The following MAP3K13 variants were observed in gnomAD, a reference collection of about 807,000 sequenced individuals.
MAP3K13 encodes leucine zipper-bearing kinase.
Under a neutral mutation model 104.0 loss-of-function variants are expected in MAP3K13, and 52 were observed. The ratio of observed to expected loss-of-function variants is 0.50; its 90% CI spans 0.40 to 0.63. The LOEUF is 0.63. MAP3K13 is among the 20% of genes least tolerant of loss of function. The probability of loss-of-function intolerance (pLI) is 0.00; values close to 1 mark genes in which losing one functional copy is unlikely to be tolerated. For synonymous variants in MAP3K13, 394 were observed against 442.2 expected (o/e 0.89, Z 1.37); for missense variants, 914 against 1,218.5 (o/e 0.75, Z 3.72).
chr3:185,297,004 A>G, intron 2 of MAP3K13, among the ~76,000 whole-genome samples: 1 of 152,220 alleles, frequency 6.6e-6, no homozygotes, highest in East Asian at 1.9e-4. Context: ...TTGACTTATT[A>G]GAGAGTTAGG....
upstream of MAP3K13, among the ~76,000 whole-genome samples, chr3:185,359,751 C>T (rs181847668): frequency 1.7e-4 from 26 of 152,224 alleles, no homozygotes; most frequent in Admixed American, 6.5e-4. Flanking sequence ...GATCTCTTTA[C>T]CAGCTTTTAA....
chr3:185,449,394 AG>A (rs1430180500), intron 5 of MAP3K13, among the ~76,000 whole-genome samples: 5 of 149,954 alleles, frequency 3.3e-5, no homozygotes, highest in Admixed American at 1.3e-4. Context: ...AAAAAAAAAA[AG>A]TTTTTAACAC....
At chr3:185,406,967 G>A (rs1166158497) in intron 1 of MAP3K13, among the ~76,000 whole-genome samples, 1 of 152,098 alleles carries the variant, frequency 6.6e-6, no homozygotes, top group Non-Finnish European at 1.5e-5. Flanking sequence ...CAGAAGAGAT[G>A]TGGGGTATAT....
upstream of MAP3K13, among the ~76,000 whole-genome samples, chr3:185,359,020 T>A (rs1314872578): frequency 6.6e-6 from 1 of 152,180 alleles, no homozygotes; most frequent in African/African-American, 2.4e-5. Flanking sequence ...TTTTTAGAAT[T>A]TCCTGAAAAG....
At chr3:185,469,249 T>C (rs1162627308) in intron 10 of MAP3K13, among the ~76,000 whole-genome samples, 1 of 152,162 alleles carries the variant, frequency 6.6e-6, no homozygotes, top group African/African-American at 2.4e-5. Context: ...AGTTCAGTCA[T>C]GGACATTTCC....
At chr3:185,350,970 C>G (rs1198893332) in intron 2 of MAP3K13, among the ~76,000 whole-genome samples, 1 of 152,164 alleles carries the variant, frequency 6.6e-6, no homozygotes, top group Admixed American at 6.5e-5. Flanking sequence ...ATCAACCTAT[C>G]AACCGTAGAC....
At chr3:185,361,613 C>G (rs1457197554), upstream of MAP3K13, among the ~76,000 whole-genome samples, 1 of 152,126 alleles carries the variant, frequency 6.6e-6, no homozygotes, top group African/African-American at 2.4e-5. Flanking sequence ...ACCATGTTAG[C>G]CAGGATGGTC....
intron 2 of MAP3K13, among the ~76,000 whole-genome samples, chr3:185,356,690 G>A (rs947814124): frequency 5.3e-5 from 8 of 152,220 alleles, no homozygotes; most frequent in Non-Finnish European, 1.2e-4. Flanking sequence ...CTTGGAGGAT[G>A]TGTCTATCCT....
intron 2 of MAP3K13, chr3:185,292,223 T>G (rs1479767762): frequency 6.4e-6 from 1 of 155,496 alleles, no homozygotes; most frequent in African/African-American, 2.4e-5. Context: ...GAGAATCACT[T>G]GAAACCAGGA....
At chr3:185,329,331 C>A in intron 2 of MAP3K13, 1 of 690,350 alleles carries the variant, frequency 1.4e-6, no homozygotes, top group South Asian at 1.5e-5. Flanking sequence ...TGCTTTTCCT[C>A]TGGTTTAGAT....
intron 1 of MAP3K13, among the ~76,000 whole-genome samples, chr3:185,388,006 A>C (rs571067469): frequency 6.6e-6 from 1 of 152,282 alleles, no homozygotes; most frequent in East Asian, 1.9e-4. Flanking sequence ...ACAAGAACTT[A>C]GGTGGTTAAA....
chr3:185,412,609 G>C (rs758657532), intron 1 of MAP3K13, among the ~76,000 whole-genome samples: 1 of 152,108 alleles, frequency 6.6e-6, no homozygotes, highest in Non-Finnish European at 1.5e-5. Context: ...ACATTTTCTA[G>C]AGTATCATCT....
intron 4 of MAP3K13, among the ~76,000 whole-genome samples, chr3:185,444,485 AGT>A (rs1560109745): frequency 6.6e-6 from 1 of 152,200 alleles, no homozygotes; most frequent in Admixed American, 6.5e-5. Flanking sequence ...TTGAGCTTCT[AGT>A]GTCTAAGCAA....
chr3:185,472,205 C>CTTTTT (rs568380003), intron 10 of MAP3K13, among the ~76,000 whole-genome samples: 22 of 118,624 alleles, frequency 1.9e-4, no homozygotes, highest in Admixed American at 2.6e-4. Context: ...ATCCCTTCTT[C>CTTTTT]TTTTTTTTTT....
chr3:185,436,895 G>A (rs1386911033), intron 2 of MAP3K13, among the ~76,000 whole-genome samples: 1 of 149,992 alleles, frequency 6.7e-6, no homozygotes, highest in Non-Finnish European at 1.5e-5. Flanking sequence ...CAGCTACTTG[G>A]GAGGCTGAGG....
At chr3:185,326,366 G>A (rs6792317) in intron 2 of MAP3K13, among the ~76,000 whole-genome samples, 118,395 of 151,934 alleles carry the variant, frequency 0.78, 46,648 homozygotes, top group Non-Finnish European at 0.84. Flanking sequence ...AGCAGAATCT[G>A]GAGTGGCTCC....
At chr3:185,305,322 CATCTT>C (rs1721254200) in intron 2 of MAP3K13, among the ~76,000 whole-genome samples, 1 of 152,106 alleles carries the variant, frequency 6.6e-6, no homozygotes, top group African/African-American at 2.4e-5. Context: ...TTACATAAAA[CATCTT>C]ATAATTGTAA....
chr3:185,302,983 G>A (rs528817565), intron 2 of MAP3K13, among the ~76,000 whole-genome samples: 1 of 152,162 alleles, frequency 6.6e-6, no homozygotes, highest in South Asian at 2.1e-4. Context: ...TTCATAAATG[G>A]CCTTTATTGT....
intron 10 of MAP3K13, 143 bp from the exon 11 acceptor site, chr3:185,472,832 G>C: frequency 2.6e-6 from 2 of 758,618 alleles, no homozygotes; most frequent in Non-Finnish European, 4.3e-6. Context: ...ACATTTTGAA[G>C]ACCCCTCATA....
Sources: gnomAD v4.1 joint callset for allele counts (sites outside exome capture counted in the v4.1 genomes callset) on GRCh38, gnomAD v4.1.1 for gene constraint, MANE v1.5 for transcripts, NCBI Gene and HGNC (gene_info 2026-07-23, HGNC 2026-07-21) for gene names.